CALCRL: variants seen among roughly 807,000 people sequenced by gnomAD.
CALCRL encodes the protein calcitonin receptor like receptor.
In CALCRL, 27 loss-of-function variants were observed where a neutral mutation model predicts 60.4. The ratio of observed to expected loss-of-function variants is 0.45; its 90% CI spans 0.33 to 0.62. The LOEUF is 0.62. CALCRL is among the 20% of genes least tolerant of loss of function. The pLI, the probability that CALCRL is intolerant of heterozygous loss-of-function variation, is 0.03. For missense variants in CALCRL, 424 were observed against 540.7 expected, an observed-to-expected ratio of 0.78 and a Z score of 2.14; for synonymous variants, 190 against 182.6, an observed-to-expected ratio of 1.04 and a Z score of -0.33.
At chr2:187,364,637 T>C (rs1359569661) in intron 8 of CALCRL, among the ~76,000 whole-genome samples, 1 of 152,118 alleles carries the variant, frequency 6.6e-6, no homozygotes, top group African/African-American at 2.4e-5. Context: ...GGAATTAGGG[T>C]GGGATGCCAC....
intron 5 of CALCRL, 97 bp from the exon 6 acceptor site, chr2:187,380,884 G>A: frequency 2.7e-6 from 2 of 750,554 alleles, no homozygotes; most frequent in Non-Finnish European, 4.3e-6. Flanking sequence ...TGGAGTAAAG[G>A]CTATCTACTG....
intron 1 of CALCRL, among the ~76,000 whole-genome samples, chr2:187,433,180 C>T (rs1690476176): frequency 6.6e-6 from 1 of 152,010 alleles, no homozygotes; most frequent in Admixed American, 6.6e-5. Context: ...TTACCAGGTT[C>T]AAAGTTGAAG....
In CALCRL at chr2:187,360,698, G is replaced by A; in HGVS notation, c.681C>T (p.Tyr227=). Residue 227 remains tyrosine, a synonymous_variant, in exon 10 of 15, where the codon TAC becomes TAT. Coordinates refer to ENST00000392370, the MANE Select transcript of CALCRL (RefSeq NM_005795.6). ...AAATGCCTTCACAGAGCATCCAAAAGTAATTACAGCCCATCAGGTAAAGAT... is the reference window on the plus strand; with the variant it reads ...AAATGCCTTCACAGAGCATCCAAAAATAATTACAGCCCATCAGGTAAAGAT... The part of the protein sequence containing the change: ...FIHLYLMGCN[Y]FWMLCEGIYL... The A allele has an allele frequency of 1.2e-6, 2 of 1,612,492 alleles. No homozygotes were observed. Among genetic ancestry groups the A allele is most frequent in the Non-Finnish European group, 8.5e-7 (1 of 1,179,082 alleles).
At chr2:187,396,661 T>C in intron 1 of CALCRL, among the ~76,000 whole-genome samples, 1 of 151,888 alleles carries the variant, frequency 6.6e-6, no homozygotes, top group East Asian at 1.9e-4. Context: ...GATGACCTGG[T>C]ATAGAAATTG....
At chr2:187,423,654 CTGGAAACCTATG>C (rs1251371253) in intron 1 of CALCRL, among the ~76,000 whole-genome samples, 1 of 151,862 alleles carries the variant, frequency 6.6e-6, no homozygotes, top group Admixed American at 6.6e-5. Flanking sequence ...CCTATGTATC[CTGGAAACCTATG>C]TGTCAAGGCA....
rs906461032 is a variant in CALCRL at position 187,448,163 on chromosome 2, T to A, written c.-417A>T. On this transcript the variant is annotated 5_prime_UTR_variant, in exon 1 of 15. Coordinates refer to ENST00000392370, the MANE Select transcript of CALCRL (RefSeq NM_005795.6). ...AAAGAGTGAAAGCTTTGCAATGTGATCCTGCAATTAGGATGAGATTCAGTT... is the reference window on the plus strand; with the variant it reads ...AAAGAGTGAAAGCTTTGCAATGTGAACCTGCAATTAGGATGAGATTCAGTT... 5.9e-5 allele frequency: 9 copies of A among 151,936 alleles called. No homozygotes were observed. The highest frequency in any genetic ancestry group is 2.2e-4 in the African/African-American group (9 of 41,376). The allele number at this position is 151,936 out of a possible 1,614,324, so 9.4% of individuals were successfully genotyped here.
chr2:187,387,717 A>G lies in CALCRL; in HGVS notation c.-253T>C. ...CACATTTTCTCTTGGATCATATTTG[A>G]CATTGTCTTTAAGAATTTCTTAAAT... On this transcript the variant is annotated 5_prime_UTR_variant, in exon 2 of 15. Coordinates refer to ENST00000392370, the MANE Select transcript of CALCRL (RefSeq NM_005795.6). 1 of 397,146 alleles carries G rather than the reference A, an allele frequency of 2.5e-6. No homozygotes were observed. Among genetic ancestry groups the G allele is most frequent in the Non-Finnish European group, 4.4e-6 (1 of 225,174 alleles). The allele number at this position is 397,146 out of a possible 1,614,324, so 24.6% of individuals were successfully genotyped here.
intron 1 of CALCRL, among the ~76,000 whole-genome samples, chr2:187,416,084 A>C (rs1396289445): frequency 1.3e-5 from 2 of 152,212 alleles, no homozygotes; most frequent in African/African-American, 4.8e-5. Context: ...TTATTGAAAA[A>C]TGCTAAGAGA....
intron 1 of CALCRL, chr2:187,415,940 C>A (rs1689584998): frequency 4.7e-6 from 1 of 210,936 alleles, no homozygotes; most frequent in Non-Finnish European, 9.4e-6. Flanking sequence ...CCCCACCACA[C>A]TAAGAATCTC....
chr2:187,357,379 C>G (rs1686841855), intron 12 of CALCRL, among the ~76,000 whole-genome samples: 1 of 151,562 alleles, frequency 6.6e-6, no homozygotes, highest in South Asian at 2.1e-4. Flanking sequence ...TAGAAATGAT[C>G]ATTCTCAGCA....
chr2:187,374,764 T>G (rs372082078), intron 8 of CALCRL, among the ~76,000 whole-genome samples: 1 of 152,208 alleles, frequency 6.6e-6, no homozygotes, highest in African/African-American at 2.4e-5. Flanking sequence ...AATCAGTAAC[T>G]CTTACTACTC....
intron 8 of CALCRL, 136 bp from the exon 9 acceptor site, chr2:187,363,638 T>C: frequency 1.1e-6 from 1 of 903,966 alleles, no homozygotes; most frequent in Non-Finnish European, 1.5e-6. Context: ...TAAGATCCAC[T>C]CATTACAAAA....
At chr2:187,442,117 CAT>C (rs1690945418) in intron 1 of CALCRL, 1 of 141,916 alleles carries the variant, frequency 7.0e-6, no homozygotes. Context: ...CATACACACA[CAT>C]ATACATATAC....
intron 1 of CALCRL, among the ~76,000 whole-genome samples, chr2:187,418,867 T>C (rs1020609638): frequency 6.7e-6 from 1 of 148,810 alleles, no homozygotes; most frequent in Non-Finnish European, 1.5e-5. Context: ...TTCTTTTTTT[T>C]TTTTTTTTAG....
intron 9 of CALCRL, among the ~76,000 whole-genome samples, chr2:187,362,167 G>A (rs1358179208): frequency 6.6e-6 from 1 of 151,898 alleles, no homozygotes; most frequent in African/African-American, 2.4e-5. Context: ...TAGTAACAGA[G>A]ACAAAACAAA....
intron 1 of CALCRL, among the ~76,000 whole-genome samples, chr2:187,420,632 AAT>A (rs1182264508): frequency 1.3e-5 from 2 of 152,212 alleles, no homozygotes; most frequent in Middle Eastern, 3.2e-3. Flanking sequence ...ATTTCAGAAA[AAT>A]ATATGTTCAA....
chr2:187,447,684 A>G (rs1291021841), intron 1 of CALCRL, among the ~76,000 whole-genome samples: 1 of 151,956 alleles, frequency 6.6e-6, no homozygotes, highest in Non-Finnish European at 1.5e-5. Flanking sequence ...TTCCGGGGGG[A>G]GAAATGTTTT....
At chr2:187,422,588 C>T (rs1038375603) in intron 1 of CALCRL, among the ~76,000 whole-genome samples, 1 of 151,978 alleles carries the variant, frequency 6.6e-6, no homozygotes, top group African/African-American at 2.4e-5. Flanking sequence ...TAGTGAGGCT[C>T]TTATAGTAAA....
intron 1 of CALCRL, among the ~76,000 whole-genome samples, chr2:187,398,970 T>C (rs79941905): frequency 0.046 from 6,934 of 151,620 alleles, 531 homozygotes; most frequent in African/African-American, 0.16. Flanking sequence ...TTAAATTACG[T>C]TTTATGCCTA....
Sources: gnomAD v4.1 joint callset for allele counts (sites outside exome capture counted in the v4.1 genomes callset) on GRCh38, gnomAD v4.1.1 for gene constraint, MANE v1.5 for transcripts, NCBI Gene and HGNC (gene_info 2026-07-23, HGNC 2026-07-21) for gene names.